Variants in EHBP1 observed in about 807,000 individuals in gnomAD.
The protein encoded by EHBP1 is EH domain binding protein 1, also known as EH domain-binding protein 1.
In EHBP1, 55 loss-of-function variants were observed where a neutral mutation model predicts 144.0. The observed-to-expected ratio is 0.38, with a 90% CI of 0.31 to 0.48. The LOEUF (loss-of-function observed/expected upper bound fraction) is 0.48. Among genes scored for constraint, EHBP1 ranks in the 20% least tolerant of loss-of-function variants. EHBP1 has a pLI of 0.98. For missense variants in EHBP1, 1,200 were observed against 1,364.2 expected, an observed-to-expected ratio of 0.88 and a Z score of 1.90; for synonymous variants, 469 against 472.7, an observed-to-expected ratio of 0.99 and a Z score of 0.10.
rs1296378598 is a variant in EHBP1, at chr2:62,750,962, C to T, written c.162+3510C>T. On this transcript the variant is annotated intron_variant, in intron 3 of 22. Coordinates refer to ENST00000431489, the MANE Select transcript of EHBP1 (RefSeq NM_001142616.3). Reference sequence around the variant, plus strand: ...CAATTTTACTTCCTCTTTTCCTAATCGAATACCTTTATTTCTTTCTCTTGC... The same window carrying T: ...CAATTTTACTTCCTCTTTTCCTAATTGAATACCTTTATTTCTTTCTCTTGC... Among the ~76,000 whole-genome samples, 4 of 151,892 alleles carry T rather than the reference C, an allele frequency of 2.6e-5. No individual in the cohort carries two copies. The East Asian group carries it at 5.8e-4, about 22-fold the overall frequency.
intron 10 of EHBP1, among the ~76,000 whole-genome samples, chr2:62,894,040 G>A (rs1233512316): frequency 1.4e-5 from 2 of 145,222 alleles, no homozygotes; most frequent in African/African-American, 2.5e-5. Flanking sequence ...GCGAGACTCC[G>A]TCTCAAAAAA....
chr2:62,769,733 T>TCATG (rs1440056052), intron 4 of EHBP1, among the ~76,000 whole-genome samples: 15 of 146,818 alleles, frequency 1.0e-4, no homozygotes, highest in African/African-American at 1.3e-4. Context: ...GCTGGAAGCA[T>TCATG]CATGCTACCT....
intron 2 of EHBP1, among the ~76,000 whole-genome samples, chr2:62,725,045 G>T (rs900981810): frequency 2.6e-5 from 4 of 152,186 alleles, no homozygotes; most frequent in Non-Finnish European, 5.9e-5. Flanking sequence ...ATTTCTGGAA[G>T]ATTTTAGGGG....
At chr2:62,996,867 G>C (rs1243360761) in intron 19 of EHBP1, 101 bp downstream of exon 19, 4 of 1,507,220 alleles carry the variant, frequency 2.7e-6, no homozygotes, top group Non-Finnish European at 3.6e-6. Context: ...TGAATGTTCA[G>C]CAAAACTGCC....
intron 10 of EHBP1, among the ~76,000 whole-genome samples, chr2:62,938,682 T>C (rs1183296297): frequency 6.6e-6 from 1 of 152,132 alleles, no homozygotes; most frequent in East Asian, 1.9e-4. Context: ...CAAAGTCAGT[T>C]AGAGCTTCTT....
chr2:62,688,986 C>A (rs2033813284), intron 1 of EHBP1, among the ~76,000 whole-genome samples: 1 of 152,102 alleles, frequency 6.6e-6, no homozygotes, highest in Admixed American at 6.5e-5. Context: ...TTTAATAAAA[C>A]CCCAAGTAAG....
At chr2:62,804,394 A>G (rs541719101) in intron 5 of EHBP1, among the ~76,000 whole-genome samples, 3 of 152,324 alleles carry the variant, frequency 2.0e-5, no homozygotes, top group African/African-American at 4.8e-5. Flanking sequence ...TACTGGGACT[A>G]TTTGGGAAAA....
At chr2:63,032,568 A>G (rs1403925231) in intron 19 of EHBP1, among the ~76,000 whole-genome samples, 1 of 143,196 alleles carries the variant, frequency 7.0e-6, no homozygotes. Flanking sequence ...CTCTGTCTCA[A>G]AAAAAAAAAA....
At position 62,826,289 on chromosome 2, in the gene EHBP1, A is replaced by T. The variant is rs4487076; in HGVS notation, c.494+21A>T. On this transcript the variant is annotated intron_variant, in intron 6 of 22. Coordinates refer to ENST00000431489, the MANE Select transcript of EHBP1 (RefSeq NM_001142616.3). ...GCCACGTAAGTTTCTTTTGTCAAATAAGCTTCCTTACATTGTGTTTCAGTA... is the reference window on the plus strand; with the variant it reads ...GCCACGTAAGTTTCTTTTGTCAAATTAGCTTCCTTACATTGTGTTTCAGTA... 6.0e-3 allele frequency: 9,501 copies of T among 1,577,472 alleles called. 530 individuals are homozygous for T. In the African/African-American group the frequency reaches 0.11, roughly 19 times the overall value.
chr2:63,035,446 A>G (rs1208778748), intron 19 of EHBP1, among the ~76,000 whole-genome samples: 1 of 152,112 alleles, frequency 6.6e-6, no homozygotes, highest in Non-Finnish European at 1.5e-5. Flanking sequence ...ACTAGAATTC[A>G]TAGGCATAAG....
chr2:62,948,533 C>CA lies in EHBP1; in HGVS notation c.1689dup (p.Gln564ThrfsTer14). On this transcript the variant is annotated frameshift_variant, in exon 13 of 23. Coordinates refer to ENST00000431489, the MANE Select transcript of EHBP1 (RefSeq NM_001142616.3). LOFTEE classifies it high-confidence loss of function. The stretch of plus-strand genomic sequence containing the variant: ...TGATCTGAAGCGGGAGCCTGAACTA[C>CA]AACAGCCTATCAGCGGAGCAGTAGA... The CA allele has an allele frequency of 6.2e-7, 1 of 1,614,120 alleles. No individual in the cohort carries two copies. Among genetic ancestry groups the CA allele is most frequent in the Non-Finnish European group, 8.5e-7 (1 of 1,179,982 alleles).
chr2:63,042,802 G>A (rs982209823), intron 21 of EHBP1, among the ~76,000 whole-genome samples: 1 of 151,814 alleles, frequency 6.6e-6, no homozygotes, highest in Admixed American at 6.6e-5. Context: ...AACTGGTCAA[G>A]TTCAGAGAAG....
chr2:62,772,323 G>A (rs1021211318), intron 5 of EHBP1, among the ~76,000 whole-genome samples: 1 of 152,088 alleles, frequency 6.6e-6, no homozygotes, highest in African/African-American at 2.4e-5. Context: ...TAATTTACAT[G>A]TTGTGGAATC....
At chr2:62,943,041 A>G (rs1365786526) in intron 11 of EHBP1, 145 bp downstream of exon 11, 6 of 648,860 alleles carry the variant, frequency 9.2e-6, no homozygotes, top group African/African-American at 3.7e-5. Context: ...TATATGTCAG[A>G]AAGCTTTTCC....
intron 5 of EHBP1, among the ~76,000 whole-genome samples, chr2:62,806,484 C>T (rs141219292): frequency 6.6e-6 from 1 of 152,148 alleles, no homozygotes; most frequent in African/African-American, 2.4e-5. Context: ...AATCCTCCCA[C>T]CTCAGCCTCC....
chr2:62,907,164 T>C (rs558969273), intron 10 of EHBP1, among the ~76,000 whole-genome samples: 1 of 152,354 alleles, frequency 6.6e-6, no homozygotes, highest in South Asian at 2.1e-4. Context: ...CCAGGAAGCA[T>C]GGGGTTGTAT....
At chr2:62,730,460 C>T (rs1558565505) in intron 2 of EHBP1, among the ~76,000 whole-genome samples, 1 of 152,120 alleles carries the variant, frequency 6.6e-6, no homozygotes, top group Non-Finnish European at 1.5e-5. Flanking sequence ...AAGTTTCCTC[C>T]ATGTCTTGTG....
intron 10 of EHBP1, among the ~76,000 whole-genome samples, chr2:62,877,769 T>C (rs2539981): frequency 0.57 from 86,657 of 152,056 alleles, 25,003 homozygotes; most frequent in East Asian, 0.69. Flanking sequence ...AATCAAGAAA[T>C]TCTTTGAAAC....
intron 19 of EHBP1, among the ~76,000 whole-genome samples, chr2:63,004,396 G>A (rs2059955462): frequency 6.6e-6 from 1 of 151,942 alleles, no homozygotes; most frequent in Admixed American, 6.6e-5. Flanking sequence ...GATAAGATAG[G>A]GCATATGGGA....
Sources: gnomAD v4.1 joint callset for allele counts (sites outside exome capture counted in the v4.1 genomes callset) on GRCh38, gnomAD v4.1.1 for gene constraint, MANE v1.5 for transcripts, NCBI Gene and HGNC (gene_info 2026-07-23, HGNC 2026-07-21) for gene names.